B3GALT1: variants seen among roughly 807,000 people sequenced by gnomAD.
B3GALT1 encodes the protein beta-1,3-galactosyltransferase 1, also known as UDP-Gal:betaGlcNAc beta 1,3-galactosyltransferase, polypeptide 1.
A neutral mutation model predicts 23.2 loss-of-function variants in B3GALT1; 10 were observed. The ratio of observed to expected loss-of-function variants is 0.43; its 90% CI spans 0.27 to 0.73. The LOEUF is 0.73. Ranked by LOEUF, B3GALT1 falls within the 30% of genes least tolerant of loss-of-function variation. The pLI is 0.21. For synonymous variants in B3GALT1, 156 were observed against 141.5 expected (o/e 1.10, Z -0.73); for missense variants, 299 against 405.4 (o/e 0.74, Z 2.25).
At chr2:167,433,245 A>G (rs1698731267) in intron 1 of B3GALT1, among the ~76,000 whole-genome samples, 2 of 151,992 alleles carry the variant, frequency 1.3e-5, no homozygotes, top group Admixed American at 1.3e-4. Context: ...AGTTTCCTCC[A>G]TGTCTTTTCA....
chr2:167,533,180 A>G (rs934420360), intron 2 of B3GALT1, among the ~76,000 whole-genome samples: 19 of 151,956 alleles, frequency 1.3e-4, no homozygotes, highest in Non-Finnish European at 2.2e-4. Context: ...TTTTCCATGT[A>G]AATGCCCTTA....
intron 2 of B3GALT1, among the ~76,000 whole-genome samples, chr2:167,551,951 C>T (rs1479307228): frequency 1.3e-5 from 2 of 152,142 alleles, no homozygotes; most frequent in Non-Finnish European, 2.9e-5. Context: ...TTGAAATAAT[C>T]CTTTTCAGTA....
chr2:167,747,734 A>T (rs1015914120), intron 3 of B3GALT1, among the ~76,000 whole-genome samples: 1 of 152,224 alleles, frequency 6.6e-6, no homozygotes, highest in Non-Finnish European at 1.5e-5. Flanking sequence ...CACTATATAC[A>T]CAATAGTCAT....
chr2:167,637,362 G>GT (rs781465812), intron 2 of B3GALT1, among the ~76,000 whole-genome samples: 20 of 151,642 alleles, frequency 1.3e-4, no homozygotes, highest in South Asian at 8.3e-4. Context: ...GCCTCTACCT[G>GT]TTTTTTTTGT....
chr2:167,441,786 AGGAGCCTGAGATGGGAGAATCATTTG>A (rs1341561339), intron 1 of B3GALT1, among the ~76,000 whole-genome samples: 5 of 151,904 alleles, frequency 3.3e-5, no homozygotes, highest in Non-Finnish European at 7.4e-5. Context: ...TCAGCTACTC[AGGAGCCTGAGATGGGAGAATCATTTG>A]GGTCCAGAAG....
chr2:167,560,314 A>G lies in B3GALT1; in HGVS notation c.-410+70037A>G, dbSNP rs368255671. Among the ~76,000 whole-genome samples, 13 of 152,322 alleles carry G rather than the reference A, an allele frequency of 8.5e-5. No homozygotes were observed. In the South Asian group the frequency reaches 2.5e-3, roughly 29 times the overall value. Reference sequence around the variant, plus strand: ...AGAGCTCCTAAAGGAAGCACTAAACATGGAAAGGCACAACTGGTACCAGCA... The same window carrying G: ...AGAGCTCCTAAAGGAAGCACTAAACGTGGAAAGGCACAACTGGTACCAGCA... On this transcript the variant is annotated intron_variant, in intron 2 of 4. Transcript: ENST00000392690.
At position 167,517,866 on chromosome 2, in the gene B3GALT1, C is replaced by T. The variant is rs138861869; in HGVS notation, c.-410+27589C>T. Among the ~76,000 whole-genome samples the T allele has an allele frequency of 3.9e-5, 6 of 152,132 alleles. No homozygotes were observed. In the East Asian group the frequency reaches 5.8e-4, roughly 15 times the overall value. On this transcript the variant is annotated intron_variant, in intron 2 of 4. Coordinates refer to ENST00000392690, the MANE Select transcript of B3GALT1 (RefSeq NM_020981.4). ...AATCTATTGCTTAGTCCCAAACAAT[C>T]GTAGGATAAAATCCTTAACTCTAAT...
intron 2 of B3GALT1, among the ~76,000 whole-genome samples, chr2:167,645,553 A>ATTT (rs1195110974): frequency 0.13 from 11,340 of 87,040 alleles, 2,506 homozygotes; most frequent in Middle Eastern, 0.19. Flanking sequence ...ACTGCCAATA[A>ATTT]TTTTTTTTTT....
At chr2:167,696,734 A>C (rs895455638) in intron 3 of B3GALT1, among the ~76,000 whole-genome samples, 9 of 152,194 alleles carry the variant, frequency 5.9e-5, no homozygotes, top group Non-Finnish European at 1.2e-4. Context: ...TCATGATGTA[A>C]ATGGTAACAT....
intron 3 of B3GALT1, among the ~76,000 whole-genome samples, chr2:167,686,156 G>T (rs757774367): frequency 6.6e-6 from 1 of 152,084 alleles, no homozygotes; most frequent in Non-Finnish European, 1.5e-5. Flanking sequence ...AGTACACTAG[G>T]ATTTATAAAC....
intron 2 of B3GALT1, among the ~76,000 whole-genome samples, chr2:167,546,358 C>G (rs781624479): frequency 6.6e-6 from 1 of 152,194 alleles, no homozygotes; most frequent in South Asian, 2.1e-4. Context: ...TGTGGCTGAT[C>G]TTTAGTCTCT....
chr2:167,357,859 G>A (rs1268932254), intron 1 of B3GALT1, among the ~76,000 whole-genome samples: 2 of 152,110 alleles, frequency 1.3e-5, no homozygotes, highest in African/African-American at 4.8e-5. Context: ...TAAATGATAG[G>A]TAAAACTATA....
intron 4 of B3GALT1, among the ~76,000 whole-genome samples, chr2:167,837,722 A>G (rs1441559212): frequency 1.4e-5 from 2 of 148,000 alleles, no homozygotes; most frequent in African/African-American, 5.0e-5. Context: ...AACAGAATAT[A>G]CATTTTTTTC....
intron 3 of B3GALT1, chr2:167,714,008 G>T: frequency 6.5e-7 from 1 of 1,546,256 alleles, no homozygotes; most frequent in East Asian, 2.3e-5. Context: ...GCCGGGGCCA[G>T]TTGCTTCATT....
intron 2 of B3GALT1, among the ~76,000 whole-genome samples, chr2:167,582,378 C>T (rs1684500501): frequency 6.6e-6 from 1 of 152,124 alleles, no homozygotes; most frequent in Admixed American, 6.5e-5. Context: ...TTGTGGTTAG[C>T]ACTGCAGTGG....
chr2:167,654,112 C>T (rs1685911872), intron 3 of B3GALT1, among the ~76,000 whole-genome samples: 1 of 152,144 alleles, frequency 6.6e-6, no homozygotes, highest in Admixed American at 6.5e-5. Context: ...GGCTTCAGCG[C>T]TTATTACACC....
intron 3 of B3GALT1, among the ~76,000 whole-genome samples, chr2:167,671,149 C>T (rs1237966117): frequency 1.3e-5 from 2 of 152,016 alleles, no homozygotes; most frequent in African/African-American, 4.8e-5. Context: ...TGTTGGGACA[C>T]CTAAATATAC....
At chr2:167,414,171 T>G (rs1404233539) in intron 1 of B3GALT1, among the ~76,000 whole-genome samples, 5 of 152,106 alleles carry the variant, frequency 3.3e-5, no homozygotes, top group Admixed American at 6.5e-5. Context: ...TTTTTATGCT[T>G]AGGTTTGATG....
chr2:167,412,915 C>T (rs988917843), intron 1 of B3GALT1, among the ~76,000 whole-genome samples: 5 of 152,060 alleles, frequency 3.3e-5, no homozygotes, highest in African/African-American at 1.2e-4. Flanking sequence ...AAATAAGACA[C>T]AAACTTAATG....
Sources: allele counts gnomAD v4.1 joint callset (sites outside exome capture counted in the v4.1 genomes callset), GRCh38; gene constraint gnomAD v4.1.1; transcripts MANE v1.5; gene names NCBI Gene and HGNC (gene_info 2026-07-23, HGNC 2026-07-21).